PEX7: variants seen among roughly 807,000 people sequenced by gnomAD.
The protein encoded by PEX7 is PTS2 receptor.
Under a neutral mutation model 47.5 loss-of-function variants are expected in PEX7, and 34 were observed. That is an observed-to-expected ratio of 0.72 (90% CI 0.54 to 0.95). The LOEUF (loss-of-function observed/expected upper bound fraction) is 0.95, where lower values mean the gene tolerates loss of function less well. Among genes scored for constraint, PEX7 ranks in the 40% least tolerant of loss-of-function variants. The pLI is 0.00. For missense variants in PEX7, 394 were observed against 400.3 expected (o/e 0.98, Z 0.13); for synonymous variants, 141 against 148.8 (o/e 0.95, Z 0.38).
chr6:136,910,992 T>G (rs1775924276), intron 9 of PEX7, among the ~76,000 whole-genome samples: 1 of 152,222 alleles, frequency 6.6e-6, no homozygotes, highest in South Asian at 2.1e-4. Flanking sequence ...ATTTTTACTA[T>G]TTTTAGGTAT....
At chr6:136,829,969 T>C in intron 3 of PEX7, 1 of 698,190 alleles carries the variant, frequency 1.4e-6, no homozygotes, top group South Asian at 1.6e-5. Flanking sequence ...AAGTTGATAA[T>C]GAACATAGCC....
In PEX7 at chr6:136,900,512, T is replaced by A; in HGVS notation, c.903+2271T>A. The A allele has an allele frequency of 2.1e-6, 1 of 479,466 alleles. No individual in the cohort carries two copies. The highest frequency in any genetic ancestry group is 2.1e-5 in the Admixed American group (1 of 46,850). The allele number at this position is 479,466 out of a possible 1,614,324, so 29.7% of individuals were successfully genotyped here. A position where few individuals can be genotyped will look rare whatever the true frequency, so the allele number is the denominator to read the frequency against. On this transcript the variant is annotated intron_variant, in intron 9 of 9. Transcript: ENST00000318471. This position sits in a 1 kb window ranked among gnomAD's most constrained non-coding sequence, Gnocchi z 4.2. ...TCGTGTCTGTCATTGTAATTGGTCC[T>A]GATAGCTTCCACCATCTTAGCCAAA...
chr6:136,855,191 A>G (rs1774837337), intron 5 of PEX7, among the ~76,000 whole-genome samples: 1 of 152,156 alleles, frequency 6.6e-6, no homozygotes, highest in Admixed American at 6.5e-5. Context: ...TAAAATTAAT[A>G]ATGAGAATAT....
chr6:136,860,409 C>CTTT (rs386408726), intron 5 of PEX7, among the ~76,000 whole-genome samples: 3,512 of 113,858 alleles, frequency 0.031, 235 homozygotes, highest in African/African-American at 0.11. Flanking sequence ...AGCCATGGCT[C>CTTT]TTTTTTTTTT....
At chr6:136,858,937 A>C (rs1198019953) in intron 5 of PEX7, among the ~76,000 whole-genome samples, 1 of 152,182 alleles carries the variant, frequency 6.6e-6, no homozygotes, top group Non-Finnish European at 1.5e-5. Context: ...CCCAACTGCA[A>C]AGTTTGTAGT....
intron 8 of PEX7, among the ~76,000 whole-genome samples, chr6:136,894,115 AG>A (rs1418024730): frequency 6.6e-6 from 1 of 152,154 alleles, no homozygotes; most frequent in Non-Finnish European, 1.5e-5. Context: ...AGATTGCTTG[AG>A]GCCAGGAGTT....
chr6:136,861,320 C>T (rs1038644689), intron 5 of PEX7, among the ~76,000 whole-genome samples: 9 of 152,076 alleles, frequency 5.9e-5, no homozygotes, highest in Non-Finnish European at 1.0e-4. Flanking sequence ...TAAACTCAAA[C>T]GACCTGCCTG....
At chr6:136,831,157 C>T (rs979933347) in intron 3 of PEX7, among the ~76,000 whole-genome samples, 1 of 152,100 alleles carries the variant, frequency 6.6e-6, no homozygotes, top group African/African-American at 2.4e-5. Context: ...GTTTAATTGA[C>T]TCACAGTTCC....
chr6:136,867,904 G>C (rs1236282530), intron 6 of PEX7, among the ~76,000 whole-genome samples: 3 of 152,248 alleles, frequency 2.0e-5, no homozygotes, highest in Non-Finnish European at 1.5e-5. Context: ...TTAGTGTACA[G>C]TAATGTTCTA....
intron 8 of PEX7, among the ~76,000 whole-genome samples, chr6:136,890,540 CTCTT>C (rs1775536855): frequency 6.6e-6 from 1 of 151,936 alleles, no homozygotes; most frequent in Non-Finnish European, 1.5e-5. Context: ...GTTTTTTTCT[CTCTT>C]TGTCGGTGTC....
intron 3 of PEX7, among the ~76,000 whole-genome samples, chr6:136,837,091 G>A (rs369159142): frequency 6.6e-5 from 10 of 151,726 alleles, no homozygotes; most frequent in East Asian, 2.0e-4. Flanking sequence ...AGTTTTAGCC[G>A]CGCTTACGCC....
At chr6:136,889,734 A>G (rs903115681) in intron 8 of PEX7, among the ~76,000 whole-genome samples, 1 of 152,228 alleles carries the variant, frequency 6.6e-6, no homozygotes, top group African/African-American at 2.4e-5. Flanking sequence ...AAATGACAAA[A>G]TAAATGAGCT....
At chr6:136,823,119 G>A (rs1028783584) in intron 1 of PEX7, 1 of 985,454 alleles carries the variant, frequency 1.0e-6, no homozygotes, top group South Asian at 4.7e-5. Context: ...GGAGAGCCGG[G>A]GGAGCCTGCG....
intron 1 of PEX7, among the ~76,000 whole-genome samples, chr6:136,823,997 C>T (rs1275971642): frequency 6.6e-6 from 1 of 152,164 alleles, no homozygotes; most frequent in Non-Finnish European, 1.5e-5. Flanking sequence ...AAGCGAGATG[C>T]AAAAACTCAT....
At chr6:136,826,287 A>AT (rs767961732) in intron 2 of PEX7, 32 bp from the exon 3 acceptor site, 37 of 1,611,856 alleles carry the variant, frequency 2.3e-5, no homozygotes, top group Non-Finnish European at 3.1e-5. Flanking sequence ...TAAGTGTTGT[A>AT]TTTTTTTGTT....
chr6:136,834,260 C>A (rs1334473750), intron 3 of PEX7, among the ~76,000 whole-genome samples: 1 of 152,206 alleles, frequency 6.6e-6, no homozygotes, highest in Non-Finnish European at 1.5e-5. Context: ...GGCACAATCT[C>A]AGTTCACTGC....
At chr6:136,837,922 G>A (rs1213170999) in intron 3 of PEX7, among the ~76,000 whole-genome samples, 1 of 151,930 alleles carries the variant, frequency 6.6e-6, no homozygotes, top group Admixed American at 6.6e-5. Flanking sequence ...AGATTATTAG[G>A]ACATCCAGCT....
intron 8 of PEX7, among the ~76,000 whole-genome samples, chr6:136,896,610 C>T (rs1355940829): frequency 6.6e-6 from 1 of 152,150 alleles, no homozygotes; most frequent in African/African-American, 2.4e-5. Context: ...TGAGGTCCTT[C>T]CCTGTCAAGG....
chr6:136,882,509 C>G lies in PEX7; in HGVS notation c.803+10256C>G, dbSNP rs567796217. 9.2e-5 allele frequency among the ~76,000 whole-genome samples: 14 copies of G among 151,886 alleles called. 1 individual carries two copies. The South Asian group carries it at 2.9e-3, about 32-fold the overall frequency. On this transcript the variant is annotated intron_variant, in intron 8 of 9. Coordinates refer to ENST00000318471, the MANE Select transcript of PEX7 (RefSeq NM_000288.4). ...CTCTCTTCTAAAGCCATCTTTCCAA[C>G]CCTATTCCCTGCACATTCAGCAAAA...
Sources: allele counts gnomAD v4.1 joint callset (sites outside exome capture counted in the v4.1 genomes callset), GRCh38; gene constraint gnomAD v4.1.1; non-coding constraint Gnocchi (gnomAD v3.1); transcripts MANE v1.5; gene names NCBI Gene and HGNC (gene_info 2026-07-23, HGNC 2026-07-21).